Variants in RSBN1L observed in about 807,000 individuals in gnomAD.
RSBN1L encodes lysine-specific demethylase RSBN1L.
In RSBN1L, 30 loss-of-function variants were observed where a neutral mutation model predicts 67.7. The observed-to-expected ratio is 0.44, with a 90% confidence interval of 0.33 to 0.60. The LOEUF is 0.60. Among genes scored for constraint, RSBN1L ranks in the 20% least tolerant of loss-of-function variants. The probability of loss-of-function intolerance (pLI) is 0.02; values close to 1 mark genes in which losing one functional copy is unlikely to be tolerated. For synonymous variants in RSBN1L, 433 were observed against 387.0 expected (o/e 1.12, Z -1.39); for missense variants, 992 against 1,031.7 (o/e 0.96, Z 0.53).
At position 77,779,142 on chromosome 7, in the gene RSBN1L, A is replaced by G. The variant is rs764541509; in HGVS notation, c.2515A>G (p.Lys839Glu). Residue 839 changes from lysine to glutamate, a missense_variant, in exon 8 of 8, where the codon AAA becomes GAA. By Grantham distance (56) the Lys-to-Glu change is moderately conservative. Around this residue, in one of 7 missense-constraint regions of RSBN1L, gnomAD observed 199 missense variants for 167.7 expected, o/e 1.19. Coordinates refer to ENST00000334955, the MANE Select transcript of RSBN1L (RefSeq NM_198467.3). ...CAGTTCAGCACATTCAAATCAAGAT[A>G]AAAAAGACGATGACATTTTGTGCTA... is the stretch of plus-strand genomic sequence containing the variant. ...QHSSAHSNQD[K>E]KDDDILC 6.3e-6 allele frequency: 10 copies of G among 1,584,980 alleles called. No individual in the cohort carries two copies. In the Admixed American group the frequency reaches 1.7e-4, roughly 27 times the overall value.
At chr7:77,762,137 A>G (rs906451992) in intron 3 of RSBN1L, among the ~76,000 whole-genome samples, 2 of 152,296 alleles carry the variant, frequency 1.3e-5, no homozygotes, top group Non-Finnish European at 1.5e-5. Flanking sequence ...TGAATTTTAC[A>G]TATCTATATG....
intron 1 of RSBN1L, among the ~76,000 whole-genome samples, chr7:77,701,151 CAAA>C (rs1221326900): frequency 1.5e-4 from 13 of 88,728 alleles, no homozygotes; most frequent in South Asian, 4.0e-4. Flanking sequence ...GACTCTGGCT[CAAA>C]AAAAAAAAAA....
intron 1 of RSBN1L, among the ~76,000 whole-genome samples, chr7:77,730,952 C>T (rs924788881): frequency 6.6e-6 from 1 of 152,204 alleles, no homozygotes; most frequent in African/African-American, 2.4e-5. Context: ...AACTGCTAAC[C>T]AGCCTTCCAG....
chr7:77,705,764 G>A (rs764619207), intron 1 of RSBN1L, among the ~76,000 whole-genome samples: 11 of 151,948 alleles, frequency 7.2e-5, no homozygotes, highest in African/African-American at 2.2e-4. Context: ...TGCCTGCCTC[G>A]GTCTCACGAT....
intron 6 of RSBN1L, among the ~76,000 whole-genome samples, chr7:77,774,280 T>C (rs1314951701): frequency 6.6e-6 from 1 of 152,184 alleles, no homozygotes; most frequent in African/African-American, 2.4e-5. Context: ...ATAAAACATA[T>C]AAAGCAAAGT....
At chr7:77,743,805 T>A (rs913280876) in intron 2 of RSBN1L, among the ~76,000 whole-genome samples, 9 of 152,206 alleles carry the variant, frequency 5.9e-5, no homozygotes, top group African/African-American at 1.9e-4. Flanking sequence ...TTAAATTCTA[T>A]TTTTTATTGC....
chr7:77,706,906 G>C (rs1173465725), intron 1 of RSBN1L, among the ~76,000 whole-genome samples: 1 of 151,788 alleles, frequency 6.6e-6, no homozygotes, highest in African/African-American at 2.4e-5. Flanking sequence ...TTTAAATATA[G>C]CAAATATATA....
intron 6 of RSBN1L, among the ~76,000 whole-genome samples, chr7:77,776,851 A>T (rs1791921236): frequency 6.6e-6 from 1 of 151,646 alleles, no homozygotes; most frequent in South Asian, 2.1e-4. Flanking sequence ...CTTTTTTTTA[A>T]TCCAGTGACA....
At chr7:77,699,871 G>A (rs563328804) in intron 1 of RSBN1L, among the ~76,000 whole-genome samples, 1 of 150,644 alleles carries the variant, frequency 6.6e-6, no homozygotes, top group African/African-American at 2.4e-5. Context: ...ATCTCGGCTC[G>A]CTGCAACCTC....
rs1224783077 is a variant in RSBN1L, at chr7:77,781,208, A to G, written c.*2040A>G. On this transcript the variant is annotated 3_prime_UTR_variant, in exon 8 of 8. Transcript: ENST00000334955. The stretch of plus-strand genomic sequence containing the variant: ...ATCATAGGAAATCTTCATGGTTTGT[A>G]GGAAATCAGTGTTTGCAACGTAGGA... 2 of 152,240 alleles carry G rather than the reference A, an allele frequency of 1.3e-5. No individual in the cohort carries two copies. The highest frequency in any genetic ancestry group is 1.9e-4 in the East Asian group (1 of 5,204). The allele number at this position is 152,240 out of a possible 1,614,324, so 9.4% of individuals were successfully genotyped here.
chr7:77,716,008 A>G (rs1448325238), intron 1 of RSBN1L, among the ~76,000 whole-genome samples: 3 of 152,170 alleles, frequency 2.0e-5, no homozygotes, highest in South Asian at 2.1e-4. Context: ...TATCAGATAC[A>G]TGTTTTGCAA....
intron 6 of RSBN1L, among the ~76,000 whole-genome samples, chr7:77,777,628 A>C (rs924910823): frequency 6.6e-6 from 1 of 151,996 alleles, no homozygotes; most frequent in African/African-American, 2.4e-5. Flanking sequence ...AATGTATTAC[A>C]TGATTCTCAG....
chr7:77,716,267 A>G (rs1791046894), intron 1 of RSBN1L, among the ~76,000 whole-genome samples: 1 of 152,080 alleles, frequency 6.6e-6, no homozygotes, highest in East Asian at 1.9e-4. Context: ...TTCCGTCTGT[A>G]AGGTTTGGGT....
chr7:77,770,947 G>GT (rs1000388762), intron 5 of RSBN1L, among the ~76,000 whole-genome samples: 5 of 151,976 alleles, frequency 3.3e-5, no homozygotes, highest in African/African-American at 7.2e-5. Context: ...GTTTTGTTTT[G>GT]TTTGTTTGTT....
Position 77,736,488 on chromosome 7 carries a change from TC to T in RSBN1L, c.666del (p.Lys223ArgfsTer7). The T allele has an allele frequency of 7.7e-7, 1 of 1,290,582 alleles. No homozygotes were observed. Among genetic ancestry groups the T allele is most frequent in the South Asian group, 1.4e-5 (1 of 72,250 alleles). The allele number at this position is 1,290,582 out of a possible 1,614,324, so 79.9% of individuals were successfully genotyped here. A position where few individuals can be genotyped will look rare whatever the true frequency, so the allele number is the denominator to read the frequency against. The stretch of plus-strand genomic sequence containing the variant: ...AAGAAACATAAAGTAATGAATGAGA[TC>T]AAGAAAGAGAATGGAGAAGTAAAGA... The part of the protein sequence containing the change: ...EKKKHKVMNE[I>X]KKENGEVKIL... On this transcript the variant is annotated frameshift_variant, in exon 2 of 8. Transcript: ENST00000334955. LOFTEE classifies it high-confidence loss of function.
chr7:77,699,922 G>T (rs113426058), intron 1 of RSBN1L, among the ~76,000 whole-genome samples: 2 of 151,078 alleles, frequency 1.3e-5, no homozygotes, highest in Non-Finnish European at 2.9e-5. Flanking sequence ...TCAGCCTCCC[G>T]AGTGGCTGGA....
At position 77,776,943 on chromosome 7, in the gene RSBN1L, T is replaced by C. The variant is rs1207453422; in HGVS notation, c.1794-1395T>C. Among the ~76,000 whole-genome samples, 3 of 151,964 alleles carry C rather than the reference T, an allele frequency of 2.0e-5. No individual in the cohort carries two copies. The East Asian group carries it at 5.8e-4, about 29-fold the overall frequency. On this transcript the variant is annotated intron_variant, in intron 6 of 7. Coordinates refer to ENST00000334955, the MANE Select transcript of RSBN1L (RefSeq NM_198467.3). ...AAATTTGGTTTTAAATTTACCATTT[T>C]GCTTTTTCCAATTTGCTTCTTTATT...
intron 1 of RSBN1L, among the ~76,000 whole-genome samples, chr7:77,717,283 G>T (rs1791061379): frequency 6.6e-6 from 1 of 151,966 alleles, no homozygotes; most frequent in African/African-American, 2.4e-5. Context: ...ATTTTTATTG[G>T]TATTTAATAC....
chr7:77,718,315 G>GT (rs1791074444), intron 1 of RSBN1L, among the ~76,000 whole-genome samples: 1 of 152,060 alleles, frequency 6.6e-6, no homozygotes, highest in Admixed American at 6.6e-5. Flanking sequence ...TTTGTTTTAT[G>GT]TTTTTTGAGA....
Sources: gnomAD v4.1 joint callset for allele counts (sites outside exome capture counted in the v4.1 genomes callset) on GRCh38, gnomAD v4.1.1 for gene constraint, gnomAD v4.1.1 regional missense constraint, MANE v1.5 for transcripts, NCBI Gene and HGNC (gene_info 2026-07-23, HGNC 2026-07-21) for gene names.